CNDP1: variants seen among roughly 807,000 people sequenced by gnomAD.
The protein encoded by CNDP1 is carnosine dipeptidase 1, also known as beta-Ala-His dipeptidase.
Under a neutral mutation model 58.1 loss-of-function variants are expected in CNDP1, and 44 were observed. That is an observed-to-expected ratio of 0.76 (90% CI 0.60 to 0.97). CNDP1 has a LOEUF of 0.97. Ranked by LOEUF, CNDP1 falls within the 50% of genes least tolerant of loss-of-function variation. The pLI is 0.00. For synonymous variants in CNDP1, 254 were observed against 252.6 expected, an observed-to-expected ratio of 1.01 and a Z score of -0.05; for missense variants, 616 against 655.1, an observed-to-expected ratio of 0.94 and a Z score of 0.65.
intron 6 of CNDP1, among the ~76,000 whole-genome samples, chr18:74,567,768 G>A (rs772089967): frequency 2.6e-5 from 4 of 152,362 alleles, no homozygotes; most frequent in African/African-American, 9.6e-5. Context: ...CAGACTGCGC[G>A]ATCAATGCAG....
At chr18:74,584,414 C>T in intron 11 of CNDP1, 82 bp from the exon 12 acceptor site, 1 of 931,430 alleles carries the variant, frequency 1.1e-6, no homozygotes, top group Non-Finnish European at 1.8e-6. Context: ...TCAAATCTTC[C>T]TGTCTAAATG....
At chr18:74,564,451 G>A (rs1305716274) in intron 5 of CNDP1, among the ~76,000 whole-genome samples, 1 of 152,152 alleles carries the variant, frequency 6.6e-6, no homozygotes, top group Admixed American at 6.6e-5. Context: ...CAAAGCCTTT[G>A]AATAAGTTAA....
intron 5 of CNDP1, among the ~76,000 whole-genome samples, chr18:74,562,356 G>A (rs1159045636): frequency 6.6e-6 from 1 of 152,198 alleles, no homozygotes; most frequent in African/African-American, 2.4e-5. Context: ...TGGCAAGGCT[G>A]ATACTTCGAG....
At position 74,564,222 on chromosome 18, in the gene CNDP1, G is replaced by A. The variant is rs376944508; in HGVS notation, c.555+2087G>A. ...TGTGTGCGGTGTCGTTTATCTGCTT[G>A]TAATCACTTTTAGAGTTCTGCATGC... On this transcript the variant is annotated intron_variant, in intron 5 of 11. Transcript: ENST00000358821. 8.5e-4 allele frequency among the ~76,000 whole-genome samples: 130 copies of A among 152,254 alleles called. 3 individuals carry two copies. The South Asian group carries it at 0.025, about 30-fold the overall frequency.
intron 7 of CNDP1, among the ~76,000 whole-genome samples, chr18:74,572,594 C>T (rs968908311): frequency 1.3e-5 from 2 of 151,736 alleles, no homozygotes; most frequent in Admixed American, 1.3e-4. Context: ...TTGAGACCAG[C>T]CTGGGCAACA....
chr18:74,536,451 T>G (rs1258150985), intron 1 of CNDP1, among the ~76,000 whole-genome samples: 1 of 152,214 alleles, frequency 6.6e-6, no homozygotes, highest in Non-Finnish European at 1.5e-5. Context: ...CCATCCATAT[T>G]CCTGCAAAGG....
At chr18:74,578,467 A>C in intron 9 of CNDP1, 140 bp downstream of exon 9, 1 of 866,034 alleles carries the variant, frequency 1.2e-6, no homozygotes, top group Non-Finnish European at 1.8e-6. Flanking sequence ...AACAAATGTC[A>C]AGAAACCAAT....
chr18:74,559,587 C>G lies in CNDP1; in HGVS notation c.303+115C>G, dbSNP rs894431358. Reference sequence around the variant, plus strand: ...GATCCTCAACCACAACCCCCCATAACCCCAATTCCCAATGAAGATGAAACA... The same window carrying G: ...GATCCTCAACCACAACCCCCCATAAGCCCAATTCCCAATGAAGATGAAACA... On this transcript the variant is annotated intron_variant, in intron 3 of 11. Coordinates refer to ENST00000358821, the MANE Select transcript of CNDP1 (RefSeq NM_032649.6). 3.4e-6 allele frequency: 3 copies of G among 889,296 alleles called. No individual in the cohort carries two copies. The African/African-American group carries it at 5.1e-5, about 15-fold the overall frequency. 55.1% of individuals were successfully genotyped at this position (889,296 alleles called of 1,614,324 possible).
intron 10 of CNDP1, among the ~76,000 whole-genome samples, chr18:74,581,351 G>T (rs564156113): frequency 2.8e-4 from 42 of 152,088 alleles, no homozygotes; most frequent in African/African-American, 9.6e-4. Flanking sequence ...CTGTGGGTTT[G>T]GGTGTTTAAT....
chr18:74,566,133 C>G (rs1478483440), intron 5 of CNDP1, among the ~76,000 whole-genome samples: 1 of 152,230 alleles, frequency 6.6e-6, no homozygotes, highest in Non-Finnish European at 1.5e-5. Flanking sequence ...AGCTGGCACA[C>G]AGGGCACCAA....
intron 7 of CNDP1, among the ~76,000 whole-genome samples, chr18:74,575,831 A>ATG (rs386388202): frequency 4.0e-4 from 38 of 94,262 alleles, no homozygotes; most frequent in East Asian, 2.3e-3. Flanking sequence ...GTGTGTATAC[A>ATG]TGTGTGTGTG....
intron 1 of CNDP1, among the ~76,000 whole-genome samples, chr18:74,550,128 T>A (rs1980864268): frequency 6.6e-6 from 1 of 152,186 alleles, no homozygotes; most frequent in South Asian, 2.1e-4. Context: ...ACTGGGGCAC[T>A]ACCTAATGAA....
At chr18:74,551,055 C>G (rs991884786) in intron 1 of CNDP1, among the ~76,000 whole-genome samples, 1 of 152,094 alleles carries the variant, frequency 6.6e-6, no homozygotes, top group Non-Finnish European at 1.5e-5. Context: ...AGGTGCTGTC[C>G]TTGCAATAGT....
chr18:74,583,082 C>T (rs1981826973), intron 10 of CNDP1, among the ~76,000 whole-genome samples: 1 of 152,208 alleles, frequency 6.6e-6, no homozygotes, highest in Admixed American at 6.5e-5. Context: ...TCTCGGCTCA[C>T]CGCAACCTCC....
rs747445325 is a variant in CNDP1 at position 74,567,235 on chromosome 18, T to A, written c.558T>A (p.Asp186Glu). Residue 186 changes from aspartate (D) to glutamate (E), a missense_variant and splice_region_variant, in exon 6 of 12, where the codon GAT (aspartate) becomes GAA (glutamate). Transcript: ENST00000358821. ...TTTTTTCTTCTGTTGTTACTTAGGA[T>A]CTTCCTGTGAATATCAAATTCATCA... ...AVSAFRALEQ[D>E]LPVNIKFIIE... 2 of 1,613,862 alleles carry A rather than the reference T, an allele frequency of 1.2e-6. No individual in the cohort carries two copies. The highest frequency in any genetic ancestry group is 4.5e-5 in the East Asian group (2 of 44,888).
intron 7 of CNDP1, among the ~76,000 whole-genome samples, chr18:74,575,824 T>C (rs1257926489): frequency 7.9e-6 from 1 of 126,658 alleles, no homozygotes; most frequent in African/African-American, 2.8e-5. Flanking sequence ...TATGTAGGTG[T>C]GTATACATGT....
chr18:74,566,538 C>T (rs1228895792), intron 5 of CNDP1, among the ~76,000 whole-genome samples: 1 of 152,192 alleles, frequency 6.6e-6, no homozygotes, highest in African/African-American at 2.4e-5. Context: ...CCACAAATCT[C>T]TGGGGCAGGG....
intron 3 of CNDP1, among the ~76,000 whole-genome samples, chr18:74,560,019 T>C (rs535008102): frequency 9.4e-5 from 14 of 148,510 alleles, no homozygotes; most frequent in Non-Finnish European, 1.9e-4. Context: ...TCTTTTTTTT[T>C]TTTTTTTTGA....
intron 2 of CNDP1, among the ~76,000 whole-genome samples, 169 bp from the exon 3 acceptor site, chr18:74,559,154 G>C (rs1276754990): frequency 6.6e-6 from 1 of 152,140 alleles, no homozygotes; most frequent in Non-Finnish European, 1.5e-5. Flanking sequence ...CAGCTCTTCT[G>C]TCTGTTACTC....
Sources: gnomAD v4.1 joint callset for allele counts (sites outside exome capture counted in the v4.1 genomes callset) on GRCh38, gnomAD v4.1.1 for gene constraint, MANE v1.5 for transcripts, NCBI Gene and HGNC (gene_info 2026-07-23, HGNC 2026-07-21) for gene names.